Variants in SFRP1 observed in about 807,000 individuals in gnomAD.
SFRP1 encodes secreted frizzled related protein 1, also known as secreted frizzled-related protein 1.
Under a neutral mutation model 25.9 loss-of-function variants are expected in SFRP1, and 9 were observed. The observed-to-expected ratio is 0.35, with a 90% confidence interval of 0.21 to 0.61. The LOEUF is 0.61. Ranked by LOEUF, SFRP1 falls within the 20% of genes least tolerant of loss-of-function variation. The pLI is 0.78. For synonymous variants in SFRP1, 178 were observed against 174.0 expected (o/e 1.02, Z -0.18); for missense variants, 346 against 418.2 (o/e 0.83, Z 1.51).
chr8:41,283,424 C>A (rs1174065129), intron 2 of SFRP1, among the ~76,000 whole-genome samples: 1 of 152,068 alleles, frequency 6.6e-6, no homozygotes, highest in African/African-American at 2.4e-5. Flanking sequence ...CGTGCAGGCC[C>A]CCGATTGCTG....
intron 2 of SFRP1, among the ~76,000 whole-genome samples, chr8:41,285,854 G>T (rs1053390359): frequency 6.6e-6 from 1 of 152,194 alleles, no homozygotes; most frequent in Non-Finnish European, 1.5e-5. Flanking sequence ...GGCTAGGGTC[G>T]GGGGTGCCAA....
intron 2 of SFRP1, among the ~76,000 whole-genome samples, chr8:41,291,399 C>T (rs938837089): frequency 1.3e-5 from 2 of 152,228 alleles, no homozygotes; most frequent in Admixed American, 1.3e-4. Context: ...TAGCTAACCA[C>T]AAAGAGATTC....
intron 2 of SFRP1, among the ~76,000 whole-genome samples, chr8:41,285,339 T>A (rs1376138292): frequency 6.6e-5 from 10 of 151,964 alleles, no homozygotes; most frequent in Admixed American, 5.2e-4. Context: ...CACGCACTAT[T>A]CCCTTCACAC....
intron 2 of SFRP1, among the ~76,000 whole-genome samples, chr8:41,280,873 C>T (rs1485232763): frequency 6.6e-6 from 1 of 152,298 alleles, no homozygotes; most frequent in East Asian, 1.9e-4. Flanking sequence ...TGCCCCAACT[C>T]CCAGAAGCGT....
In SFRP1 at chr8:41,265,134, CGAGGCTCCCTCCCCACCCTG is replaced by C; in HGVS notation, c.*13_*32del. 19 of 745,232 alleles carry C rather than the reference CGAGGCTCCCTCCCCACCCTG, an allele frequency of 2.5e-5. No homozygotes were observed. Among genetic ancestry groups the C allele is most frequent in the South Asian group, 7.4e-5 (4 of 54,390 alleles). 46.2% of individuals were successfully genotyped at this position (745,232 alleles called of 1,614,324 possible). A position where few individuals can be genotyped will look rare whatever the true frequency, so the allele number is the denominator to read the frequency against. On this transcript the variant is annotated 3_prime_UTR_variant, in exon 3 of 3. Coordinates refer to ENST00000220772, the MANE Select transcript of SFRP1 (RefSeq NM_003012.5). ...CTGTCCCCCCCGCTCCCACCCCACC[CGAGGCTCCCTCCCCACCCTG>C]CCCCCGGGAGAATCACTTAAACACG...
At chr8:41,286,445 C>G (rs756656386) in intron 2 of SFRP1, among the ~76,000 whole-genome samples, 1 of 151,808 alleles carries the variant, frequency 6.6e-6, no homozygotes, top group African/African-American at 2.4e-5. Flanking sequence ...AAAATCAACA[C>G]CAAGGGAGGC....
intron 2 of SFRP1, among the ~76,000 whole-genome samples, chr8:41,286,001 C>A (rs1803696099): frequency 6.8e-6 from 1 of 147,394 alleles, no homozygotes; most frequent in Admixed American, 6.9e-5. Context: ...ACCCAGGGTC[C>A]TCATTCTATG....
Position 41,309,093 on chromosome 8 carries a change from C to G in SFRP1, c.67G>C (p.Ala23Pro), listed in dbSNP as rs1455462910. Residue 23 changes from alanine to proline, a missense_variant, in exon 1 of 3, where the codon GCG (alanine) becomes CCG (proline). By Grantham distance (27) the Ala-to-Pro change is conservative (BLOSUM62 -1). Transcript: ENST00000220772. ...AALGVLLALG[A>P]ALLAVGSASE... is the part of the protein sequence containing the mutation. Reference sequence around the variant, plus strand: ...GCCGAGCCCACGGCCAGAAGCGCCGCGCCCAGCGCCAGCAGCACGCCCAGG... The same window carrying G: ...GCCGAGCCCACGGCCAGAAGCGCCGGGCCCAGCGCCAGCAGCACGCCCAGG... 1 of 1,580,308 alleles carries G rather than the reference C, an allele frequency of 6.3e-7. No homozygotes were observed. Among genetic ancestry groups the G allele is most frequent in the Admixed American group, 1.8e-5 (1 of 56,968 alleles).
At chr8:41,282,820 C>T (rs1448555554) in intron 2 of SFRP1, among the ~76,000 whole-genome samples, 1 of 152,020 alleles carries the variant, frequency 6.6e-6, no homozygotes, top group East Asian at 1.9e-4. Flanking sequence ...ATTTTATTTT[C>T]CTGGCTTTCT....
intron 2 of SFRP1, among the ~76,000 whole-genome samples, chr8:41,276,321 T>G (rs1431082915): frequency 6.6e-6 from 1 of 152,176 alleles, no homozygotes; most frequent in Non-Finnish European, 1.5e-5. Flanking sequence ...TGAGATTCAG[T>G]AACAGCACTG....
In SFRP1 at chr8:41,285,760, G is replaced by A. The variant is rs547790564; in HGVS notation, c.622+17701C>T. ...TGCCTCCTCTGAAGAGCATTCTGGG[G>A]TGAGGCAGGGACCTAGGACAGACAG... On this transcript the variant is annotated intron_variant, in intron 2 of 2. Coordinates refer to ENST00000220772, the MANE Select transcript of SFRP1 (RefSeq NM_003012.5). 2.6e-4 allele frequency among the ~76,000 whole-genome samples: 40 copies of A among 152,336 alleles called. 1 individual carries two copies. Among genetic ancestry groups the A allele is most frequent in the Admixed American group, 9.1e-4 (14 of 15,308 alleles).
intron 2 of SFRP1, among the ~76,000 whole-genome samples, chr8:41,290,960 G>A (rs1002843538): frequency 1.7e-5 from 2 of 117,680 alleles, no homozygotes; most frequent in African/African-American, 6.5e-5. Context: ...AGGCTAGAAT[G>A]CAGTGGCGCG....
chr8:41,299,310 T>C (rs1803882720), intron 2 of SFRP1, among the ~76,000 whole-genome samples: 1 of 151,894 alleles, frequency 6.6e-6, no homozygotes, highest in Non-Finnish European at 1.5e-5. Flanking sequence ...CACCTATCAA[T>C]TCCATCCCCA....
At chr8:41,272,327 A>G (rs1418017707) in intron 2 of SFRP1, among the ~76,000 whole-genome samples, 2 of 152,266 alleles carry the variant, frequency 1.3e-5, no homozygotes, top group Non-Finnish European at 2.9e-5. Context: ...TAAAGAGGCC[A>G]GGCACGGTGG....
chr8:41,307,059 C>T, intron 1 of SFRP1: 1 of 1,404,844 alleles, frequency 7.1e-7, no homozygotes, highest in South Asian at 1.5e-5. Flanking sequence ...CTGGGCACAG[C>T]CTCACAGGGC....
intron 1 of SFRP1, among the ~76,000 whole-genome samples, chr8:41,306,219 A>T (rs182831437): frequency 4.6e-4 from 70 of 152,368 alleles, no homozygotes; most frequent in Non-Finnish European, 1.2e-4. Context: ...CCTTAATAAC[A>T]CATGACCACA....
chr8:41,273,492 C>T (rs1355215524), intron 2 of SFRP1, among the ~76,000 whole-genome samples: 1 of 151,806 alleles, frequency 6.6e-6, no homozygotes, highest in Admixed American at 6.6e-5. Context: ...AAAAAAAAGG[C>T]ATTATTAATG....
intron 2 of SFRP1, among the ~76,000 whole-genome samples, chr8:41,275,571 C>T (rs1028942309): frequency 6.6e-6 from 1 of 151,562 alleles, no homozygotes; most frequent in Non-Finnish European, 1.5e-5. Context: ...GGCGGAATCT[C>T]GGCTCACTGC....
intron 2 of SFRP1, among the ~76,000 whole-genome samples, chr8:41,290,983 T>C (rs1446212090): frequency 7.5e-6 from 1 of 133,292 alleles, no homozygotes. Flanking sequence ...CTCGGCTCAC[T>C]GCAAGCTCCA....
Sources: allele counts gnomAD v4.1 joint callset (sites outside exome capture counted in the v4.1 genomes callset), GRCh38; gene constraint gnomAD v4.1.1; transcripts MANE v1.5; gene names NCBI Gene and HGNC (gene_info 2026-07-23, HGNC 2026-07-21).